RP1L1: variants seen among roughly 807,000 people sequenced by gnomAD.
RP1L1 encodes the protein RP1 like 1, also known as retinitis pigmentosa 1-like 1 protein.
A neutral mutation model predicts 15.7 loss-of-function variants in RP1L1; 27 were observed. The ratio of observed to expected loss-of-function variants is 1.72; its 90% confidence interval spans 1.27 to 2.38. The LOEUF is 2.38. Among genes scored for constraint, RP1L1 ranks in the 30% most tolerant of loss-of-function variants. The pLI, the probability that RP1L1 is intolerant of heterozygous loss-of-function variation, is 0.00. For missense variants in RP1L1, 4,798 were observed against 3,075.9 expected, an observed-to-expected ratio of 1.56 and a Z score of -13.24; for synonymous variants, 1,813 against 1,276.7, an observed-to-expected ratio of 1.42 and a Z score of -8.96.
At chr8:10,652,685 T>G (rs1193488277) in intron 1 of RP1L1, among the ~76,000 whole-genome samples, 1 of 152,064 alleles carries the variant, frequency 6.6e-6, no homozygotes, top group African/African-American at 2.4e-5. Flanking sequence ...AAAAAAACCT[T>G]TCAAAGTAGC....
chr8:10,609,049 G>A lies in RP1L1; in HGVS notation c.5049C>T (p.Ile1683=), dbSNP rs750509406. 6.8e-6 allele frequency: 11 copies of A among 1,613,706 alleles called. No homozygotes were observed. The highest frequency in any genetic ancestry group is 9.3e-6 in the Non-Finnish European group (11 of 1,179,780). The change falls in exon 4 of 4, where the codon ATC becomes ATT. Residue 1683 remains isoleucine (I), a synonymous_variant. Transcript: ENST00000382483. ...KATMGATRGP[I]KEAFDLQQIL... ...TCTGCTGCAGGTCAAAGGCCTCTTT[G>A]ATGGGACCTCTGGTTGCCCCCATTG...
chr8:10,615,271 T>C (rs1386919771), intron 3 of RP1L1, among the ~76,000 whole-genome samples: 2 of 152,220 alleles, frequency 1.3e-5, no homozygotes, highest in Admixed American at 6.5e-5. Context: ...ACTCGCCAAA[T>C]TTTTCCATCA....
rs1241337991 is a variant in RP1L1 at position 10,612,355 on chromosome 8, AAG to A, written c.1741_1742del (p.Leu581PhefsTer6). On this transcript the variant is annotated frameshift_variant, in exon 4 of 4. Transcript: ENST00000382483. LOFTEE classifies it low-confidence loss of function (END_TRUNC). ...GGDPASPALSLSSLRSDDLQA... is the reference protein window; with the variant it reads ...GGDPASPALSXSSLRSDDLQA... Reference sequence around the variant, plus strand: ...GCAGGTCGTCACTCCTTAAAGATGAAAGACTCAGGGCTGGAGAAGCGGGGTCG... The same window carrying A: ...GCAGGTCGTCACTCCTTAAAGATGAAACTCAGGGCTGGAGAAGCGGGGTCG... The A allele has an allele frequency of 6.2e-7, 1 of 1,612,958 alleles. No individual in the cohort carries two copies. Among genetic ancestry groups the A allele is most frequent in the Non-Finnish European group, 8.5e-7 (1 of 1,180,012 alleles).
chr8:10,610,241 C>T lies in RP1L1; in HGVS notation c.3857G>A (p.Ser1286Asn), dbSNP rs761545193. 4.3e-6 allele frequency: 7 copies of T among 1,613,574 alleles called. No homozygotes were observed. The highest frequency in any genetic ancestry group is 1.7e-4 in the Middle Eastern group (1 of 6,056). ...TTCAGCTAACTGCTCCAGGTTCGAG[C>T]TCGCCCTCTGCTCCTCACTGTCTCT... ...AERDSEEQRA[S>N]SNLEQLAENT... The change falls in exon 4 of 4, where the codon AGC becomes AAC. Residue 1286 changes from serine (S) to asparagine (N), a missense_variant. Transcript: ENST00000382483.
intron 3 of RP1L1, among the ~76,000 whole-genome samples, chr8:10,613,989 T>G (rs1177438905): frequency 6.6e-6 from 1 of 152,164 alleles, no homozygotes; most frequent in Non-Finnish European, 1.5e-5. Flanking sequence ...TAATATTGAT[T>G]GGTTCGGTTC....
chr8:10,638,632 T>C (rs1307869288), intron 1 of RP1L1, among the ~76,000 whole-genome samples: 1 of 152,118 alleles, frequency 6.6e-6, no homozygotes. Flanking sequence ...TTATAGTCAC[T>C]TGATCTACTT....
chr8:10,610,325 AAAC>A lies in RP1L1; in HGVS notation c.3770_3772del (p.Cys1257del), dbSNP rs1563122901. On this transcript the variant is annotated inframe_deletion, in exon 4 of 4. Transcript: ENST00000382483. ...GGCTCGGGCGTTCAAGAAGGTTGGG[AAAC>A]AACACTGCTGTTGGTTTTCCAGATC... 6.2e-7 allele frequency: 1 copy of A among 1,614,152 alleles called. No individual in the cohort carries two copies. Among genetic ancestry groups the A allele is most frequent in the Admixed American group, 1.7e-5 (1 of 60,024 alleles).
At chr8:10,613,459 C>T in intron 3 of RP1L1, 113 bp from the exon 4 acceptor site, 3 of 1,449,582 alleles carry the variant, frequency 2.1e-6, no homozygotes, top group Non-Finnish European at 2.8e-6. Context: ...AGCATCACCA[C>T]TGCCTCCAAA....
At chr8:10,632,934 G>A (rs903050289) in intron 1 of RP1L1, among the ~76,000 whole-genome samples, 5 of 152,142 alleles carry the variant, frequency 3.3e-5, no homozygotes, top group Admixed American at 6.5e-5. Flanking sequence ...CTCTCCTTGG[G>A]CGGAGGCTGC....
intron 1 of RP1L1, among the ~76,000 whole-genome samples, chr8:10,643,906 C>A (rs1027090079): frequency 3.1e-4 from 47 of 151,934 alleles, no homozygotes; most frequent in African/African-American, 1.1e-3. Context: ...TCTGCAAGAC[C>A]AGGGCAACAA....
chr8:10,623,504 T>C (rs78289609), intron 1 of RP1L1, among the ~76,000 whole-genome samples: 2 of 41,214 alleles, frequency 4.9e-5, no homozygotes, highest in Non-Finnish European at 1.2e-4. Context: ...AGTCACCATG[T>C]CCCCAGAACC....
Position 10,622,725 on chromosome 8 carries a change from G to A in RP1L1, c.477C>T (p.Asn159=), listed in dbSNP as rs769690517. ...KTPRRILLIK[N]MDPRLQQTVV... ...CTGTCTGCTGGAGGCGAGGGTCCAT[G>A]TTCTTAATCAGCAGTATCCTCCGGG... The change falls in exon 2 of 4, where the codon AAC becomes AAT. Residue 159 remains asparagine (N), a synonymous_variant. Transcript: ENST00000382483. 7.4e-6 allele frequency: 12 copies of A among 1,614,064 alleles called. No homozygotes were observed. The highest frequency in any genetic ancestry group is 1.7e-5 in the Admixed American group (1 of 60,012).
Position 10,612,145 on chromosome 8 carries a change from G to A in RP1L1, c.1953C>T (p.Pro651=), listed in dbSNP as rs1248083620. 3.1e-6 allele frequency: 5 copies of A among 1,613,464 alleles called. No homozygotes were observed. The highest frequency in any genetic ancestry group is 1.7e-5 in the Admixed American group (1 of 60,016). The change falls in exon 4 of 4, where the codon CCC becomes CCT. Residue 651 remains proline, a synonymous_variant. Transcript: ENST00000382483. Reference sequence around the variant, plus strand: ...CCACTCGGCCAAGGCCAGGGCTGCTGGGTGAGGACATTGCACTGGCCCGGC... The same window carrying A: ...CCACTCGGCCAAGGCCAGGGCTGCTAGGTGAGGACATTGCACTGGCCCGGC... ...HRSRASAMSS[P]SSPGLGRVAP... is the part of the protein sequence containing the mutation.
intron 1 of RP1L1, among the ~76,000 whole-genome samples, chr8:10,623,577 A>C (rs1038087242): frequency 2.0e-5 from 3 of 149,186 alleles, no homozygotes; most frequent in Non-Finnish European, 3.0e-5. Flanking sequence ...CCATGTCCCC[A>C]GTACTTCAAT....
In RP1L1 at chr8:10,611,392, G is replaced by A. The variant is rs552814556; in HGVS notation, c.2706C>T (p.Gly902=). Residue 902 remains glycine, a synonymous_variant, in exon 4 of 4, where the codon GGC becomes GGT. Transcript: ENST00000382483. ...TTCTCCTTGATGCCCCTGAATTGGG[G>A]CCTGGGGACGGCGTGGGGCCTGGCT... The part of the protein sequence containing the change: ...TRQPGPTPSP[G]PNSGASRRSS... 4 of 1,605,266 alleles carry A rather than the reference G, an allele frequency of 2.5e-6. No individual in the cohort carries two copies. The East Asian group carries it at 6.7e-5, about 27-fold the overall frequency.
chr8:10,642,740 C>G (rs1294604963), intron 1 of RP1L1, among the ~76,000 whole-genome samples: 1 of 152,134 alleles, frequency 6.6e-6, no homozygotes, highest in African/African-American at 2.4e-5. Context: ...ATTTGTTGGC[C>G]TGGGTTTTGG....
intron 3 of RP1L1, among the ~76,000 whole-genome samples, chr8:10,615,374 T>C (rs1476523823): frequency 6.6e-6 from 1 of 152,124 alleles, no homozygotes; most frequent in Non-Finnish European, 1.5e-5. Context: ...TGGCTGGATA[T>C]ATGGTTGGTT....
At chr8:10,630,176 G>C (rs1164436586) in intron 1 of RP1L1, among the ~76,000 whole-genome samples, 3 of 152,228 alleles carry the variant, frequency 2.0e-5, no homozygotes, top group African/African-American at 7.2e-5. Context: ...TTGACCCCCA[G>C]CTGGGAGTGC....
At position 10,607,174 on chromosome 8, in the gene RP1L1, G is replaced by C; in HGVS notation, c.6924C>G (p.Asn2308Lys). 10 of 1,614,258 alleles carry C rather than the reference G, an allele frequency of 6.2e-6. No individual in the cohort carries two copies. The highest frequency in any genetic ancestry group is 8.5e-6 in the Non-Finnish European group (10 of 1,180,052). ...CATTTTCTGAGTCTTTCTGCCAGCA[G>C]TTGCCCCAAGAGGATGCTCTGGAGG... ...PSSSRASSWG[N>K]CWQKDSENDH... Residue 2308 changes from asparagine to lysine, a missense_variant, in exon 4 of 4, where the codon AAC becomes AAG. Transcript: ENST00000382483.
Sources: gnomAD v4.1 joint callset for allele counts (sites outside exome capture counted in the v4.1 genomes callset) on GRCh38, gnomAD v4.1.1 for gene constraint, MANE v1.5 for transcripts, NCBI Gene and HGNC (gene_info 2026-07-23, HGNC 2026-07-21) for gene names.